The following PCDHGA8 variants were observed in gnomAD, a reference collection of about 807,000 sequenced individuals.
The protein encoded by PCDHGA8 is protocadherin gamma subfamily A, 8.
Under a neutral mutation model 59.2 loss-of-function variants are expected in PCDHGA8, and 45 were observed. The observed-to-expected ratio is 0.76, with a 90% confidence interval of 0.60 to 0.98. The LOEUF (loss-of-function observed/expected upper bound fraction) is 0.98. Among genes scored for constraint, PCDHGA8 ranks in the 50% least tolerant of loss-of-function variants. The probability of loss-of-function intolerance (pLI) is 0.00; values close to 1 mark genes in which losing one functional copy is unlikely to be tolerated. For missense variants in PCDHGA8, 1,257 were observed against 1,196.2 expected (o/e 1.05, Z -0.75); for synonymous variants, 531 against 519.0 (o/e 1.02, Z -0.32).
rs1253223100 is a variant in PCDHGA8 at position 141,493,049 on chromosome 5, T to C, written c.2425-1758T>C. Among the ~76,000 whole-genome samples the C allele has an allele frequency of 6.6e-6, 1 of 152,188 alleles. No homozygotes were observed. Among genetic ancestry groups the C allele is most frequent in the Non-Finnish European group, 1.5e-5 (1 of 68,032 alleles). Reference sequence around the variant, plus strand: ...GCCCTTATGTGTGAGGAAACTACAATAGTAAAAAACACAAGTTTCTCCAAC... The same window carrying C: ...GCCCTTATGTGTGAGGAAACTACAACAGTAAAAAACACAAGTTTCTCCAAC... On this transcript the variant is annotated intron_variant, in intron 1 of 3. Transcript: ENST00000398604. This position sits in a 1 kb window ranked among gnomAD's most constrained non-coding sequence, Gnocchi z 4.3.
At chr5:141,423,099 G>C (rs1344463949) in intron 1 of PCDHGA8, 1 of 1,613,826 alleles carries the variant, frequency 6.2e-7, no homozygotes, top group Non-Finnish European at 8.5e-7. Flanking sequence ...GGGAGCACAC[G>C]GGCGAGGTGC....
intron 1 of PCDHGA8, chr5:141,421,203 G>A (rs779780797): frequency 2.6e-6 from 4 of 1,522,494 alleles, no homozygotes; most frequent in African/African-American, 1.4e-5. Context: ...TCGAGAAACC[G>A]CGGAATATCG....
chr5:141,490,065 C>A lies in PCDHGA8; in HGVS notation c.2425-4742C>A, dbSNP rs1161257597. ...CTGATCCAGACGAGGGCACCAACGG[C>A]CAACTAGACTATTCTTTTGGAGACC... On this transcript the variant is annotated intron_variant, in intron 1 of 3. Coordinates refer to ENST00000398604, the MANE Select transcript of PCDHGA8 (RefSeq NM_032088.2). This position sits in a 1 kb window ranked among gnomAD's most constrained non-coding sequence, Gnocchi z 5.4. 1 of 1,614,258 alleles carries A rather than the reference C, an allele frequency of 6.2e-7. No individual in the cohort carries two copies. Among genetic ancestry groups the A allele is most frequent in the South Asian group, 1.1e-5 (1 of 91,090 alleles).
chr5:141,408,461 A>G, intron 1 of PCDHGA8: 4 of 1,614,044 alleles, frequency 2.5e-6, no homozygotes, highest in Non-Finnish European at 3.4e-6. Context: ...CTTACTTGTG[A>G]AGAACCGAAT....
chr5:141,475,049 A>G (rs553607902), intron 1 of PCDHGA8, among the ~76,000 whole-genome samples: 81 of 152,346 alleles, frequency 5.3e-4, no homozygotes, highest in African/African-American at 1.8e-3. Context: ...TGTATTTTCT[A>G]AAGATTTGTG....
chr5:141,508,077 G>T (rs1166570509), intron 3 of PCDHGA8: 1 of 152,446 alleles, frequency 6.6e-6, no homozygotes, highest in Non-Finnish European at 1.5e-5. Context: ...GGCTACTCTG[G>T]AGTTGCTGCC....
rs2099727742 is a variant in PCDHGA8 at position 141,491,740 on chromosome 5, G to C, written c.2425-3067G>C. On this transcript the variant is annotated intron_variant, in intron 1 of 3. Coordinates refer to ENST00000398604, the MANE Select transcript of PCDHGA8 (RefSeq NM_032088.2). The surrounding 1 kb of genome is among the most constrained non-coding windows in gnomAD (Gnocchi z 6.9). Reference sequence around the variant, plus strand: ...GCCGCCCCGGGCGACCCCTGGGGGCGGCACTGGAGAAGCCGCCCGTCCTCA... The same window carrying C: ...GCCGCCCCGGGCGACCCCTGGGGGCCGCACTGGAGAAGCCGCCCGTCCTCA... The C allele has an allele frequency of 6.3e-7, 1 of 1,597,622 alleles. No homozygotes were observed. The highest frequency in any genetic ancestry group is 8.5e-7 in the Non-Finnish European group (1 of 1,173,228).
chr5:141,510,223 G>C (rs944276162), intron 3 of PCDHGA8, among the ~76,000 whole-genome samples: 1 of 151,302 alleles, frequency 6.6e-6, no homozygotes, highest in African/African-American at 2.4e-5. Context: ...CAGTGAGCCG[G>C]GATCGCGCCA....
chr5:141,399,460 G>A, intron 1 of PCDHGA8: 1 of 1,613,962 alleles, frequency 6.2e-7, no homozygotes, highest in Middle Eastern at 1.6e-4. Context: ...CAACGATAAC[G>A]CTCCGGTTTT....
chr5:141,445,311 G>A (rs2098463310), intron 1 of PCDHGA8, among the ~76,000 whole-genome samples: 1 of 152,150 alleles, frequency 6.6e-6, no homozygotes, highest in East Asian at 1.9e-4. Flanking sequence ...CAGTTTGTAG[G>A]TTGAGAGAAC....
chr5:141,409,669 C>A, intron 1 of PCDHGA8: 1 of 1,613,528 alleles, frequency 6.2e-7, no homozygotes, highest in Non-Finnish European at 8.5e-7. Context: ...ACATCTCCTA[C>A]TCTATAGTGG....
chr5:141,439,800 T>C (rs1393580217), intron 1 of PCDHGA8: 1 of 152,300 alleles, frequency 6.6e-6, no homozygotes, highest in Admixed American at 6.5e-5. Context: ...CAAGAAGAGT[T>C]TGAAAAGGGG....
chr5:141,418,246 C>T lies in PCDHGA8; in HGVS notation c.2424+23009C>T, dbSNP rs200526306. 4.5e-5 allele frequency: 72 copies of T among 1,614,020 alleles called. No individual in the cohort carries two copies. The African/African-American group carries it at 8.9e-4, about 20-fold the overall frequency. On this transcript the variant is annotated intron_variant, in intron 1 of 3. Coordinates refer to ENST00000398604, the MANE Select transcript of PCDHGA8 (RefSeq NM_032088.2). The stretch of plus-strand genomic sequence containing the variant: ...TGGTGATTGAGGATGTTAATGACCA[C>T]GCCCCTCAATTCCGGAAAGATGAAA...
intron 1 of PCDHGA8, chr5:141,478,776 A>G (rs961079570): frequency 1.3e-6 from 2 of 1,488,690 alleles, no homozygotes; most frequent in East Asian, 2.5e-5. Flanking sequence ...TCATCTGTGG[A>G]CCTAATTCAC....
intron 1 of PCDHGA8, chr5:141,428,256 T>A: frequency 1.2e-6 from 1 of 863,822 alleles, no homozygotes; most frequent in Non-Finnish European, 1.9e-6. Flanking sequence ...CAGACTTCAG[T>A]GACAGTCCTG....
At position 141,494,854 on chromosome 5, in the gene PCDHGA8, C is replaced by T. The variant is rs1353498253; in HGVS notation, c.2472C>T (p.Pro824=). ...TDWRFSQAQR[P]GTSGSQNGDD... The stretch of plus-strand genomic sequence containing the variant: ...GGCGTTTCTCTCAGGCCCAGAGACC[C>T]GGCACCAGCGGGTAGGTGACTGATT... The change falls in exon 2 of 4, where the codon CCC becomes CCT. Residue 824 remains proline (P), a synonymous_variant. Coordinates refer to ENST00000398604, the MANE Select transcript of PCDHGA8 (RefSeq NM_032088.2). 1.2e-6 allele frequency: 2 copies of T among 1,614,120 alleles called. No homozygotes were observed. Among genetic ancestry groups the T allele is most frequent in the East Asian group, 2.2e-5 (1 of 44,870 alleles).
intron 1 of PCDHGA8, among the ~76,000 whole-genome samples, chr5:141,467,414 C>A (rs1410743140): frequency 6.6e-5 from 10 of 152,168 alleles, no homozygotes; most frequent in African/African-American, 1.2e-4. Flanking sequence ...CCTTTCCCCA[C>A]ACCTAGGTTA....
intron 1 of PCDHGA8, among the ~76,000 whole-genome samples, chr5:141,401,525 G>A (rs1055771013): frequency 6.6e-6 from 1 of 152,096 alleles, no homozygotes; most frequent in Non-Finnish European, 1.5e-5. Flanking sequence ...ATTACCAGAA[G>A]AAACTTACAA....
Position 141,431,877 on chromosome 5 carries a change from AC to A in PCDHGA8, c.2424+36642del. 1 of 1,614,230 alleles carries A rather than the reference AC, an allele frequency of 6.2e-7. No individual in the cohort carries two copies. The highest frequency in any genetic ancestry group is 1.3e-5 in the African/African-American group (1 of 75,070). ...TTAATTGCCCTTTTAAATGTAAATGACCAAGATTCTGAGGAAAACGGACAGG... is the reference window on the plus strand; with the variant it reads ...TTAATTGCCCTTTTAAATGTAAATGACAAGATTCTGAGGAAAACGGACAGG... On this transcript the variant is annotated intron_variant, in intron 1 of 3. Coordinates refer to ENST00000398604, the MANE Select transcript of PCDHGA8 (RefSeq NM_032088.2). The surrounding 1 kb of genome is among the most constrained non-coding windows in gnomAD (Gnocchi z 4.8).
Sources: allele counts gnomAD v4.1 joint callset (sites outside exome capture counted in the v4.1 genomes callset), GRCh38; gene constraint gnomAD v4.1.1; non-coding constraint Gnocchi (gnomAD v3.1); transcripts MANE v1.5; gene names NCBI Gene and HGNC (gene_info 2026-07-23, HGNC 2026-07-21).